CDH13: variants seen among roughly 807,000 people sequenced by gnomAD.
CDH13 encodes cadherin 13, also known as cadherin-13.
Under a neutral mutation model 63.8 loss-of-function variants are expected in CDH13, and 24 were observed. The observed-to-expected ratio is 0.38, with a 90% CI of 0.27 to 0.53. The LOEUF is 0.53. Ranked by LOEUF, CDH13 falls within the 20% of genes least tolerant of loss-of-function variation. The pLI is 0.85. For missense variants in CDH13, 1,049 were observed against 903.1 expected (o/e 1.16, Z -2.07); for synonymous variants, 503 against 355.3 (o/e 1.42, Z -4.67).
chr16:83,382,533 A>T (rs1289013066), intron 6 of CDH13, among the ~76,000 whole-genome samples: 1 of 152,036 alleles, frequency 6.6e-6, no homozygotes, highest in Non-Finnish European at 1.5e-5. Flanking sequence ...GCTCCATCAT[A>T]TCTGCCTCCC....
intron 2 of CDH13, among the ~76,000 whole-genome samples, chr16:83,026,664 A>G (rs1207265194): frequency 6.6e-6 from 1 of 152,202 alleles, no homozygotes; most frequent in Non-Finnish European, 1.5e-5. Context: ...AAAGTTAAGC[A>G]ACCCTGCTAT....
At chr16:83,520,599 A>C (rs1478571035) in intron 7 of CDH13, among the ~76,000 whole-genome samples, 1 of 152,202 alleles carries the variant, frequency 6.6e-6, no homozygotes, top group Admixed American at 6.5e-5. Context: ...CCTTAGAGCC[A>C]GGTTCTTGTT....
intron 5 of CDH13, among the ~76,000 whole-genome samples, chr16:83,337,773 G>T (rs2090632045): frequency 6.6e-6 from 1 of 151,734 alleles, no homozygotes; most frequent in East Asian, 1.9e-4. Flanking sequence ...TCATTGTGTG[G>T]TTTAATGTGT....
chr16:83,087,767 A>C (rs1441864558), intron 3 of CDH13, among the ~76,000 whole-genome samples: 1 of 151,584 alleles, frequency 6.6e-6, no homozygotes, highest in East Asian at 1.9e-4. Context: ...GAATTTTTAA[A>C]CCTAATGATG....
intron 7 of CDH13, among the ~76,000 whole-genome samples, chr16:83,592,251 C>T (rs1032734365): frequency 1.3e-5 from 2 of 152,194 alleles, no homozygotes; most frequent in Non-Finnish European, 2.9e-5. Flanking sequence ...TTCCTGAGCA[C>T]CCCACATTCT....
At chr16:83,580,523 C>G (rs2150720926) in intron 7 of CDH13, among the ~76,000 whole-genome samples, 1 of 146,882 alleles carries the variant, frequency 6.8e-6, no homozygotes, top group Middle Eastern at 3.5e-3. Context: ...AGGTCAGGGT[C>G]TCCATCTGCC....
intron 9 of CDH13, among the ~76,000 whole-genome samples, chr16:83,672,409 CTTTTTTTT>C (rs34156503): frequency 1.4e-4 from 5 of 35,138 alleles, no homozygotes; most frequent in African/African-American, 2.1e-4. Flanking sequence ...TCTGGATTCT[CTTTTTTTT>C]TTTTTTTTTT....
At chr16:83,243,060 G>C (rs1351967587) in intron 5 of CDH13, among the ~76,000 whole-genome samples, 1 of 152,150 alleles carries the variant, frequency 6.6e-6, no homozygotes, top group Non-Finnish European at 1.5e-5. Flanking sequence ...CTAAGACATG[G>C]TGAGTAATTG....
At chr16:82,882,468 C>T (rs540733910) in intron 2 of CDH13, among the ~76,000 whole-genome samples, 1 of 152,328 alleles carries the variant, frequency 6.6e-6, no homozygotes, top group South Asian at 2.1e-4. Context: ...GCAGACCTGG[C>T]CGCTGGCAGG....
chr16:83,667,412 C>G (rs549960101), intron 8 of CDH13, among the ~76,000 whole-genome samples: 18 of 151,954 alleles, frequency 1.2e-4, no homozygotes, highest in Non-Finnish European at 5.9e-5. Flanking sequence ...ATCCACCCAC[C>G]TACCCATCCA....
In CDH13 at chr16:83,795,383, G is replaced by T. The variant is rs1461636046; in HGVS notation, c.*353G>T. ...CAGCTTTGTCTGTGGGTTAGTATTG[G>T]TGTATGTATGAGTATCTGTATGTAT... is the stretch of plus-strand genomic sequence containing the variant. On this transcript the variant is annotated 3_prime_UTR_variant, in exon 14 of 14. Transcript: ENST00000567109. The T allele has an allele frequency of 6.6e-6, 2 of 302,176 alleles. No homozygotes were observed. The highest frequency in any genetic ancestry group is 1.3e-5 in the Non-Finnish European group (2 of 159,468). The allele number at this position is 302,176 out of a possible 1,614,324, so 18.7% of individuals were successfully genotyped here.
chr16:82,706,080 TTTC>T (rs2031466803), intron 1 of CDH13, among the ~76,000 whole-genome samples: 1 of 152,040 alleles, frequency 6.6e-6, no homozygotes, highest in Non-Finnish European at 1.5e-5. Flanking sequence ...TCTTCCTCCC[TTTC>T]TTCTTCATCT....
intron 1 of CDH13, among the ~76,000 whole-genome samples, chr16:82,741,808 A>G (rs2033944933): frequency 6.6e-6 from 1 of 152,208 alleles, no homozygotes; most frequent in Admixed American, 6.5e-5. Flanking sequence ...CATAGTATTG[A>G]AAAAAACATG....
intron 7 of CDH13, among the ~76,000 whole-genome samples, chr16:83,546,074 G>A (rs188672880): frequency 2.5e-4 from 38 of 152,316 alleles, no homozygotes; most frequent in Admixed American, 2.2e-3. Flanking sequence ...GAGTGATGAG[G>A]AAGAGTGAAA....
chr16:83,718,331 C>T (rs994853149), intron 10 of CDH13, among the ~76,000 whole-genome samples: 1 of 152,194 alleles, frequency 6.6e-6, no homozygotes, highest in African/African-American at 2.4e-5. Context: ...ATTGTCCAGG[C>T]TCTTGACTGT....
At chr16:83,340,564 C>A (rs1263268053) in intron 5 of CDH13, among the ~76,000 whole-genome samples, 1 of 152,184 alleles carries the variant, frequency 6.6e-6, no homozygotes, top group Non-Finnish European at 1.5e-5. Flanking sequence ...CTCAGTACAA[C>A]ATCACTCAAA....
At chr16:83,194,499 A>C (rs2038816053) in intron 4 of CDH13, among the ~76,000 whole-genome samples, 1 of 152,206 alleles carries the variant, frequency 6.6e-6, no homozygotes, top group Admixed American at 6.5e-5. Context: ...CCAAGCTGTC[A>C]CTGATTATTC....
intron 5 of CDH13, among the ~76,000 whole-genome samples, chr16:83,262,361 G>T (rs746605474): frequency 6.6e-6 from 1 of 152,112 alleles, no homozygotes; most frequent in Non-Finnish European, 1.5e-5. Context: ...AGAGCCAGAG[G>T]AATCTCTTTT....
chr16:83,292,926 G>C (rs899326093), intron 5 of CDH13, among the ~76,000 whole-genome samples: 3 of 151,978 alleles, frequency 2.0e-5, no homozygotes, highest in Non-Finnish European at 4.4e-5. Flanking sequence ...ATATCTATTG[G>C]GTAATTATAT....
Sources: allele counts gnomAD v4.1 joint callset (sites outside exome capture counted in the v4.1 genomes callset), GRCh38; gene constraint gnomAD v4.1.1; transcripts MANE v1.5; gene names NCBI Gene and HGNC (gene_info 2026-07-23, HGNC 2026-07-21).